Variants in FBN2 observed in about 807,000 individuals in gnomAD.
FBN2 encodes fibrillin-2.
In FBN2, 105 loss-of-function variants were observed where a neutral mutation model predicts 355.6. The ratio of observed to expected loss-of-function variants is 0.30; its 90% CI spans 0.25 to 0.35. FBN2 has a LOEUF of 0.35. FBN2 is among the 10% of genes least tolerant of loss of function. FBN2 has a pLI of 1.00. For synonymous variants in FBN2, 1,350 were observed against 1,301.2 expected (o/e 1.04, Z -0.81); for missense variants, 3,280 against 3,758.7 (o/e 0.87, Z 3.33).
intron 2 of FBN2, among the ~76,000 whole-genome samples, chr5:128,531,945 A>G (rs1756721707): frequency 6.6e-6 from 1 of 152,090 alleles, no homozygotes; most frequent in East Asian, 1.9e-4. Context: ...TTAAAGACTG[A>G]GAGTTTAAAA....
At chr5:128,396,035 A>G (rs987933229) in intron 8 of FBN2, among the ~76,000 whole-genome samples, 1 of 152,182 alleles carries the variant, frequency 6.6e-6, no homozygotes, top group Non-Finnish European at 1.5e-5. Flanking sequence ...GAGGACACTG[A>G]AGACATTCAG....
chr5:128,446,336 G>T lies in FBN2; in HGVS notation c.952+145C>A, dbSNP rs1395339186. On this transcript the variant is annotated intron_variant, in intron 7 of 64. Coordinates refer to ENST00000262464, the MANE Select transcript of FBN2 (RefSeq NM_001999.4). ...ACTAAGGCTACAATACACAAACACA[G>T]AACTACTCTAGGCTTAAACCTATGC... 3 of 827,646 alleles carry T rather than the reference G, an allele frequency of 3.6e-6. No homozygotes were observed. In the Admixed American group the frequency reaches 6.0e-5, roughly 17 times the overall value. 51.3% of individuals were successfully genotyped at this position (827,646 alleles called of 1,614,324 possible).
intron 7 of FBN2, among the ~76,000 whole-genome samples, chr5:128,424,891 A>G (rs1753445488): frequency 6.6e-6 from 1 of 152,216 alleles, no homozygotes; most frequent in African/African-American, 2.4e-5. Flanking sequence ...AAAATACATA[A>G]AAGTTACTGA....
chr5:128,535,460 A>C (rs1756820751), intron 2 of FBN2, among the ~76,000 whole-genome samples: 1 of 152,192 alleles, frequency 6.6e-6, no homozygotes, highest in Non-Finnish European at 1.5e-5. Flanking sequence ...TCTAAAGTCA[A>C]GACTGGCTCT....
Position 128,291,569 on chromosome 5 carries a change from G to T in FBN2, c.6252C>A (p.Pro2084=), listed in dbSNP as rs1057524589. 1.2e-6 allele frequency: 2 copies of T among 1,613,874 alleles called. No individual in the cohort carries two copies. Among genetic ancestry groups the T allele is most frequent in the Admixed American group, 1.7e-5 (1 of 59,984 alleles). ...CATTATCAGATAGTACAAAGCCAGGGGGGCAGAGGCACTGGAAGCCCCCTG... is the reference window on the plus strand; with the variant it reads ...CATTATCAGATAGTACAAAGCCAGGTGGGCAGAGGCACTGGAAGCCCCCTG... ...NTPGGFQCLC[P]PGFVLSDNGR... The change falls in exon 49 of 65, where the codon CCC becomes CCA. Residue 2084 remains proline, a synonymous_variant. Transcript: ENST00000262464.
Position 128,366,368 on chromosome 5 carries a change from T to G in FBN2, c.2302+9A>C. On this transcript the variant is annotated intron_variant, in intron 17 of 64. Coordinates refer to ENST00000262464, the MANE Select transcript of FBN2 (RefSeq NM_001999.4). Reference sequence around the variant, plus strand: ...TGATTATTATAAAGTTGAGATTAACTAGAGTTACCTCTTCCATCCACAGTG... The same window carrying G: ...TGATTATTATAAAGTTGAGATTAACGAGAGTTACCTCTTCCATCCACAGTG... 6.5e-7 allele frequency: 1 copy of G among 1,539,944 alleles called. No individual in the cohort carries two copies. Among genetic ancestry groups the G allele is most frequent in the Non-Finnish European group, 9.0e-7 (1 of 1,115,128 alleles).
intron 2 of FBN2, among the ~76,000 whole-genome samples, chr5:128,533,949 T>A (rs1385833693): frequency 6.6e-6 from 1 of 151,980 alleles, no homozygotes; most frequent in Non-Finnish European, 1.5e-5. Flanking sequence ...TTTTCTAGGC[T>A]ACAACTAAGC....
intron 5 of FBN2, among the ~76,000 whole-genome samples, chr5:128,472,039 C>A (rs1358942348): frequency 6.6e-6 from 1 of 152,116 alleles, no homozygotes; most frequent in Non-Finnish European, 1.5e-5. Flanking sequence ...AGACTATAGG[C>A]ACTTGAAGAG....
chr5:128,465,339 T>C (rs1349272088), intron 5 of FBN2, among the ~76,000 whole-genome samples: 1 of 152,194 alleles, frequency 6.6e-6, no homozygotes, highest in African/African-American at 2.4e-5. Context: ...GTGTGTTTTC[T>C]CCAGGACACC....
chr5:128,407,025 A>T (rs1212548845), intron 8 of FBN2, among the ~76,000 whole-genome samples: 1 of 152,178 alleles, frequency 6.6e-6, no homozygotes, highest in African/African-American at 2.4e-5. Context: ...TCATTCAAAG[A>T]CACGACATGA....
chr5:128,272,209 A>G (rs1765285055), intron 61 of FBN2, 91 bp from the exon 62 acceptor site: 1 of 1,427,224 alleles, frequency 7.0e-7, no homozygotes, highest in East Asian at 2.3e-5. Context: ...AACTGTTATC[A>G]TGGGAACAAA....
At chr5:128,495,958 A>T (rs1172575250) in intron 5 of FBN2, among the ~76,000 whole-genome samples, 1 of 152,142 alleles carries the variant, frequency 6.6e-6, no homozygotes, top group East Asian at 1.9e-4. Context: ...GTGACTCTAG[A>T]GTAATTAGAA....
chr5:128,469,115 A>C (rs1754788199), intron 5 of FBN2, among the ~76,000 whole-genome samples: 1 of 152,162 alleles, frequency 6.6e-6, no homozygotes, highest in South Asian at 2.1e-4. Context: ...GAAAGAGAGG[A>C]GGAAGGAGAC....
At chr5:128,319,230 G>C (rs186870913) in intron 34 of FBN2, among the ~76,000 whole-genome samples, 1 of 151,894 alleles carries the variant, frequency 6.6e-6, no homozygotes, top group East Asian at 1.9e-4. Flanking sequence ...TGAGTGTCTA[G>C]TATTTTGAAT....
chr5:128,446,664 T>A, intron 6 of FBN2, 58 bp from the exon 7 acceptor site: 1 of 1,574,384 alleles, frequency 6.4e-7, no homozygotes, highest in South Asian at 1.1e-5. Flanking sequence ...TATCTATACT[T>A]TTTTTTACTA....
chr5:128,522,640 G>A lies in FBN2; in HGVS notation c.533-3272C>T, dbSNP rs115471689. Among the ~76,000 whole-genome samples, 1,003 of 152,246 alleles carry A rather than the reference G, an allele frequency of 6.6e-3. 10 individuals carry two copies. The highest frequency in any genetic ancestry group is 0.023 in the African/African-American group (949 of 41,540). On this transcript the variant is annotated intron_variant, in intron 4 of 64. Coordinates refer to ENST00000262464, the MANE Select transcript of FBN2 (RefSeq NM_001999.4). Reference sequence around the variant, plus strand: ...TTTACATTAAAGAGCAATAGCAAAAGAAGAGAAGCAGGAAATACAGATAAA... The same window carrying A: ...TTTACATTAAAGAGCAATAGCAAAAAAAGAGAAGCAGGAAATACAGATAAA...
intron 6 of FBN2, among the ~76,000 whole-genome samples, chr5:128,459,301 A>G (rs1313022041): frequency 6.6e-6 from 1 of 152,178 alleles, no homozygotes; most frequent in Non-Finnish European, 1.5e-5. Context: ...AAATTGAGGC[A>G]GTAATTAATA....
chr5:128,424,505 G>A (rs1283128990), intron 7 of FBN2, among the ~76,000 whole-genome samples: 1 of 152,044 alleles, frequency 6.6e-6, no homozygotes, highest in Admixed American at 6.6e-5. Context: ...AAAGCCTGTG[G>A]TCTGTCACAT....
Position 128,259,359 on chromosome 5 carries a change from A to T in FBN2, c.*96T>A, listed in dbSNP as rs1326426135. 1 of 1,396,172 alleles carries T rather than the reference A, an allele frequency of 7.2e-7. No individual in the cohort carries two copies. The highest frequency in any genetic ancestry group is 1.4e-5 in the African/African-American group (1 of 70,448). The allele number at this position is 1,396,172 out of a possible 1,614,324, so 86.5% of individuals were successfully genotyped here. A position where few individuals can be genotyped will look rare whatever the true frequency, so the allele number is the denominator to read the frequency against. On this transcript the variant is annotated 3_prime_UTR_variant, in exon 65 of 65. Coordinates refer to ENST00000262464, the MANE Select transcript of FBN2 (RefSeq NM_001999.4). ...AGGGAGGAAAGAAACAAGAGTTATT[A>T]TTATTTTTCCTCTTTAAAATTAGTC...
Sources: allele counts gnomAD v4.1 joint callset (sites outside exome capture counted in the v4.1 genomes callset), GRCh38; gene constraint gnomAD v4.1.1; transcripts MANE v1.5; gene names NCBI Gene and HGNC (gene_info 2026-07-23, HGNC 2026-07-21).